The following PHF21A variants were observed in gnomAD, a reference collection of about 807,000 sequenced individuals.
PHF21A encodes PHD finger protein 21A.
Under a neutral mutation model 82.5 loss-of-function variants are expected in PHF21A, and 11 were observed. That is an observed-to-expected ratio of 0.13 (90% CI 0.08 to 0.22). The LOEUF is 0.22. PHF21A is among the 10% of genes least tolerant of loss of function. PHF21A has a pLI of 1.00. For synonymous variants in PHF21A, 297 were observed against 302.8 expected (o/e 0.98, Z 0.20); for missense variants, 579 against 837.8 (o/e 0.69, Z 3.81).
intron 6 of PHF21A, among the ~76,000 whole-genome samples, chr11:46,031,718 C>T (rs1409702770): frequency 6.6e-6 from 1 of 152,160 alleles, no homozygotes; most frequent in Non-Finnish European, 1.5e-5. Flanking sequence ...CTTTTTTCCT[C>T]TGGCTTTGTC....
intron 1 of PHF21A, among the ~76,000 whole-genome samples, chr11:46,108,898 C>T (rs1292445168): frequency 2.6e-5 from 4 of 152,178 alleles, no homozygotes; most frequent in East Asian, 3.8e-4. Flanking sequence ...CCCCATGCTA[C>T]GCACTATGCT....
intron 15 of PHF21A, among the ~76,000 whole-genome samples, chr11:45,939,237 C>T (rs1004696742): frequency 6.6e-6 from 1 of 152,268 alleles, no homozygotes; most frequent in South Asian, 2.1e-4. Context: ...TGGTAGAGGA[C>T]AACCTACATA....
At chr11:46,100,278 A>G (rs10838562) in intron 1 of PHF21A, among the ~76,000 whole-genome samples, 23,009 of 152,088 alleles carry the variant, frequency 0.15, 3,701 homozygotes, top group East Asian at 0.58. Flanking sequence ...TTAAAAAAAA[A>G]AAAATCCCAT....
At chr11:46,104,271 G>A (rs1288777734) in intron 1 of PHF21A, among the ~76,000 whole-genome samples, 2 of 152,114 alleles carry the variant, frequency 1.3e-5, no homozygotes, top group African/African-American at 4.8e-5. Flanking sequence ...TAATTTGCCA[G>A]ACCCAATGGA....
intron 5 of PHF21A, 91 bp from the exon 6 acceptor site, chr11:46,076,910 A>ATCATT: frequency 1.0e-6 from 1 of 997,306 alleles, no homozygotes; most frequent in Non-Finnish European, 1.6e-6. Context: ...ATTACAAATG[A>ATCATT]TGAAGCAACC....
chr11:46,019,904 C>T lies in PHF21A; in HGVS notation c.154-39938G>A, dbSNP rs113839797. Reference sequence around the variant, plus strand: ...CAGGAAAGCCCATATGCTTAACTTTCAGGGTTCCTAATAATCTTAATCATC... The same window carrying T: ...CAGGAAAGCCCATATGCTTAACTTTTAGGGTTCCTAATAATCTTAATCATC... On this transcript the variant is annotated intron_variant, in intron 6 of 18. Coordinates refer to ENST00000676320, the MANE Select transcript of PHF21A (RefSeq NM_001352027.3). Among the ~76,000 whole-genome samples, 1,503 of 152,236 alleles carry T rather than the reference C, an allele frequency of 9.9e-3. 25 individuals carry two copies. Among genetic ancestry groups the T allele is most frequent in the African/African-American group, 0.035 (1,434 of 41,522 alleles).
chr11:46,109,366 TGAC>T (rs1405666210), intron 1 of PHF21A, among the ~76,000 whole-genome samples: 2 of 152,224 alleles, frequency 1.3e-5, no homozygotes, highest in Admixed American at 6.5e-5. Context: ...TTATTATTGA[TGAC>T]AACAGATAAA....
chr11:45,945,754 G>C, intron 15 of PHF21A, 86 bp downstream of exon 15: 1 of 1,133,796 alleles, frequency 8.8e-7, no homozygotes, highest in Non-Finnish European at 1.2e-6. Context: ...TCAAGAAGGT[G>C]CAAGTCGATA....
At chr11:45,968,902 G>T (rs1217462017) in intron 9 of PHF21A, among the ~76,000 whole-genome samples, 1 of 138,724 alleles carries the variant, frequency 7.2e-6, no homozygotes, top group African/African-American at 2.7e-5. Context: ...CTGCACTCCA[G>T]CCTGTGCGAT....
intron 3 of PHF21A, among the ~76,000 whole-genome samples, chr11:46,089,224 C>G (rs1488000569): frequency 6.6e-6 from 1 of 152,122 alleles, no homozygotes. Context: ...ATCTTTACTT[C>G]TTGTACCATG....
chr11:45,980,290 A>C (rs1307442380), intron 6 of PHF21A, among the ~76,000 whole-genome samples: 6 of 152,210 alleles, frequency 3.9e-5, no homozygotes, highest in South Asian at 2.1e-4. Context: ...AGCAGTAAAA[A>C]GCAGGACTCT....
chr11:46,023,663 C>T (rs183411100), intron 6 of PHF21A, among the ~76,000 whole-genome samples: 1 of 152,246 alleles, frequency 6.6e-6, no homozygotes, highest in East Asian at 1.9e-4. Context: ...TGTTAAGAAT[C>T]ACTGAATGGA....
At chr11:46,061,152 T>C (rs2096530474) in intron 6 of PHF21A, among the ~76,000 whole-genome samples, 1 of 152,238 alleles carries the variant, frequency 6.6e-6, no homozygotes, top group Non-Finnish European at 1.5e-5. Flanking sequence ...TTCTGTATTC[T>C]GTTCTATTAG....
chr11:45,950,305 C>T (rs1371615662), intron 11 of PHF21A, 48 bp from the exon 12 acceptor site: 1 of 1,551,438 alleles, frequency 6.4e-7, no homozygotes, highest in South Asian at 1.1e-5. Context: ...TGGGTTCTCA[C>T]AAAGCCAATT....
intron 6 of PHF21A, among the ~76,000 whole-genome samples, chr11:46,027,322 G>A (rs1217587973): frequency 6.6e-6 from 1 of 152,084 alleles, no homozygotes; most frequent in Non-Finnish European, 1.5e-5. Flanking sequence ...ATCTGCCATC[G>A]TTTACCTTAT....
At chr11:46,070,193 A>G (rs1298181666) in intron 6 of PHF21A, among the ~76,000 whole-genome samples, 1 of 152,222 alleles carries the variant, frequency 6.6e-6, no homozygotes, top group Non-Finnish European at 1.5e-5. Flanking sequence ...CTTCTTTCCC[A>G]AAAGCTTCAG....
At chr11:46,017,988 C>T (rs1346329847) in intron 6 of PHF21A, among the ~76,000 whole-genome samples, 3 of 152,094 alleles carry the variant, frequency 2.0e-5, no homozygotes, top group African/African-American at 7.2e-5. Context: ...CGGTGGCTCA[C>T]GCCTGTAATC....
intron 10 of PHF21A, among the ~76,000 whole-genome samples, chr11:45,962,224 G>A (rs1172926439): frequency 6.6e-6 from 1 of 152,150 alleles, no homozygotes; most frequent in Non-Finnish European, 1.5e-5. Flanking sequence ...AATGAATGAT[G>A]TTATCATCTA....
chr11:45,939,463 A>G (rs987343007), intron 15 of PHF21A, among the ~76,000 whole-genome samples: 6 of 152,236 alleles, frequency 3.9e-5, no homozygotes, highest in African/African-American at 1.2e-4. Flanking sequence ...AATTAAATTC[A>G]TATGCGAGTT....
Sources: allele counts gnomAD v4.1 joint callset (sites outside exome capture counted in the v4.1 genomes callset), GRCh38; gene constraint gnomAD v4.1.1; transcripts MANE v1.5; gene names NCBI Gene and HGNC (gene_info 2026-07-23, HGNC 2026-07-21).